GDPD5: variants seen among roughly 807,000 people sequenced by gnomAD.
GDPD5 encodes the protein glycerophosphodiester phosphodiesterase domain containing 5, also known as glycerophosphodiester phosphodiesterase 2.
Under a neutral mutation model 75.1 loss-of-function variants are expected in GDPD5, and 48 were observed. The observed-to-expected ratio is 0.64, with a 90% confidence interval of 0.51 to 0.81. The LOEUF (loss-of-function observed/expected upper bound fraction) is 0.81, where lower values mean the gene tolerates loss of function less well. GDPD5 is among the 40% of genes least tolerant of loss of function. The pLI is 0.00. For synonymous variants in GDPD5, 336 were observed against 339.0 expected, an observed-to-expected ratio of 0.99 and a Z score of 0.10; for missense variants, 706 against 822.6, an observed-to-expected ratio of 0.86 and a Z score of 1.73.
chr11:75,472,940 T>G (rs1376259380), intron 3 of GDPD5, among the ~76,000 whole-genome samples: 1 of 151,968 alleles, frequency 6.6e-6, no homozygotes, highest in African/African-American at 2.4e-5. Context: ...GGAGGGCTAT[T>G]TTTTGGCAGA....
chr11:75,522,675 T>A (rs1029351756), intron 1 of GDPD5, among the ~76,000 whole-genome samples: 2 of 151,976 alleles, frequency 1.3e-5, no homozygotes, highest in Admixed American at 1.3e-4. Flanking sequence ...TGCCCCCCCA[T>A]ATCCAAGACT....
chr11:75,493,229 T>TCACACA (rs71036055), intron 1 of GDPD5, among the ~76,000 whole-genome samples: 64,722 of 140,646 alleles, frequency 0.46, 16,027 homozygotes, highest in East Asian at 0.71. Context: ...CCCACACATC[T>TCACACA]CACACACACA....
rs181590320 is a variant in GDPD5 at position 75,460,692 on chromosome 11, C to T, written c.221+2094G>A. 1.9e-4 allele frequency among the ~76,000 whole-genome samples: 29 copies of T among 152,198 alleles called. 1 individual carries two copies. In the East Asian group the frequency reaches 4.8e-3, roughly 25 times the overall value. ...AACACCTGGACTCACATGATCTGCC[C>T]GCCTTGGCCTCCCAACGTGCTGAGA... On this transcript the variant is annotated intron_variant, in intron 4 of 16. Coordinates refer to ENST00000336898, the MANE Select transcript of GDPD5 (RefSeq NM_030792.8).
intron 1 of GDPD5, chr11:75,508,046 T>C (rs1421635320): frequency 6.6e-6 from 1 of 152,076 alleles, no homozygotes; most frequent in African/African-American, 2.4e-5. Context: ...AGGTACTTGT[T>C]CCCTCCATTT....
intron 2 of GDPD5, among the ~76,000 whole-genome samples, chr11:75,487,717 C>G (rs754247263): frequency 1.3e-5 from 2 of 152,238 alleles, no homozygotes; most frequent in Admixed American, 6.5e-5. Context: ...AAATCAGGAG[C>G]CTGCCCAGGG....
chr11:75,482,766 C>G (rs1288061094), intron 2 of GDPD5, among the ~76,000 whole-genome samples: 1 of 152,186 alleles, frequency 6.6e-6, no homozygotes, highest in African/African-American at 2.4e-5. Flanking sequence ...CATGGAGGCC[C>G]GGTTTGGTTA....
chr11:75,473,762 C>G (rs564093312), intron 3 of GDPD5, among the ~76,000 whole-genome samples: 2 of 152,314 alleles, frequency 1.3e-5, no homozygotes, highest in Admixed American at 1.3e-4. Context: ...AAGACACTCT[C>G]TTGTGCACAC....
rs34243107 is a variant in GDPD5, at chr11:75,495,265, T to TCACACA, written c.-144-4951_-144-4946dup. On this transcript the variant is annotated intron_variant, in intron 1 of 16. Coordinates refer to ENST00000336898, the MANE Select transcript of GDPD5 (RefSeq NM_030792.8). ...CCTGAGTGACAGAGCTGTCACTCTG[T>TCACACA]CACACACACACACACACACTATATA... Among the ~76,000 whole-genome samples, 446 of 147,098 alleles carry TCACACA rather than the reference T, an allele frequency of 3.0e-3. 2 individuals are homozygous for TCACACA. Among genetic ancestry groups the TCACACA allele is most frequent in the African/African-American group, 0.01 (420 of 40,158 alleles).
At chr11:75,464,202 A>G (rs548137738) in intron 3 of GDPD5, among the ~76,000 whole-genome samples, 16 of 152,344 alleles carry the variant, frequency 1.1e-4, no homozygotes, top group Admixed American at 1.0e-3. Flanking sequence ...TCTGCCCAGG[A>G]ACCTCAGATC....
rs1389895509 is a variant in GDPD5, at chr11:75,449,566, G to T, written c.519C>A (p.Thr173=). 2 of 1,589,550 alleles carry T rather than the reference G, an allele frequency of 1.3e-6. No individual in the cohort carries two copies. Among genetic ancestry groups the T allele is most frequent in the Non-Finnish European group, 1.7e-6 (2 of 1,168,468 alleles). ...FLHVGAVAAV[T]MLSWIVAGQF... Reference sequence around the variant, plus strand: ...GTCCTGCCACGATCCAGGAGAGCATGGTGACTGCTGCCACAGCCCCCACAT... The same window carrying T: ...GTCCTGCCACGATCCAGGAGAGCATTGTGACTGCTGCCACAGCCCCCACAT... The change falls in exon 8 of 17, where the codon ACC becomes ACA. Residue 173 remains threonine (T), a synonymous_variant. Coordinates refer to ENST00000336898, the MANE Select transcript of GDPD5 (RefSeq NM_030792.8).
intron 3 of GDPD5, among the ~76,000 whole-genome samples, chr11:75,468,289 C>G (rs1429097494): frequency 6.6e-6 from 1 of 152,214 alleles, no homozygotes. Flanking sequence ...TCGCAGAGCT[C>G]CCCTGCCTGT....
Position 75,449,589 on chromosome 11 carries a change from C to T in GDPD5, c.496G>A (p.Val166Met). The change falls in exon 8 of 17, where the codon GTG becomes ATG. Residue 166 changes from valine (V) to methionine (M), a missense_variant. By Grantham distance (21) the Val-to-Met change is conservative. Coordinates refer to ENST00000336898, the MANE Select transcript of GDPD5 (RefSeq NM_030792.8). ...SLQGTAPFLH[V>M]GAVAAVTMLS... ...ATGGTGACTGCTGCCACAGCCCCCA[C>T]ATGCAGGAATGGCGCTGTGCCCTGT... The T allele has an allele frequency of 1.3e-6, 2 of 1,585,476 alleles. No homozygotes were observed. Among genetic ancestry groups the T allele is most frequent in the Admixed American group, 1.8e-5 (1 of 55,100 alleles).
At chr11:75,457,593 C>G in intron 5 of GDPD5, 100 bp downstream of exon 5, 1 of 809,576 alleles carries the variant, frequency 1.2e-6, no homozygotes. Context: ...TACAGCTTTC[C>G]CCTTTATACC....
At chr11:75,467,227 C>A (rs927879813) in intron 3 of GDPD5, among the ~76,000 whole-genome samples, 8 of 152,214 alleles carry the variant, frequency 5.3e-5, no homozygotes, top group African/African-American at 1.9e-4. Context: ...CCCCTCTGAG[C>A]CTCGGTCTCC....
intron 2 of GDPD5, among the ~76,000 whole-genome samples, chr11:75,488,049 C>A (rs1358030858): frequency 1.3e-5 from 2 of 152,174 alleles, no homozygotes; most frequent in Non-Finnish European, 2.9e-5. Flanking sequence ...ATTCAGAAAT[C>A]CCCTGTGCTG....
chr11:75,494,726 C>A (rs1362760957), intron 1 of GDPD5, among the ~76,000 whole-genome samples: 5 of 151,720 alleles, frequency 3.3e-5, no homozygotes, highest in African/African-American at 1.2e-4. Flanking sequence ...CCTAGGCAGG[C>A]AGATCACCTG....
intron 9 of GDPD5, among the ~76,000 whole-genome samples, chr11:75,445,315 CT>C (rs1948957995): frequency 6.6e-6 from 1 of 152,188 alleles, no homozygotes; most frequent in Non-Finnish European, 1.5e-5. Flanking sequence ...ACACCCAGCT[CT>C]GGTTCTAGCC....
chr11:75,517,432 C>G (rs1950662039), intron 1 of GDPD5: 1 of 150,582 alleles, frequency 6.6e-6, no homozygotes, highest in African/African-American at 2.4e-5. Flanking sequence ...CCAGCCTGGG[C>G]AATAAGAACG....
intron 3 of GDPD5, among the ~76,000 whole-genome samples, chr11:75,471,281 G>T (rs1949658615): frequency 6.6e-6 from 1 of 152,226 alleles, no homozygotes; most frequent in African/African-American, 2.4e-5. Context: ...TTTGGGGGAG[G>T]TGGTGGCCTG....
Sources: allele counts gnomAD v4.1 joint callset (sites outside exome capture counted in the v4.1 genomes callset), GRCh38; gene constraint gnomAD v4.1.1; transcripts MANE v1.5; gene names NCBI Gene and HGNC (gene_info 2026-07-23, HGNC 2026-07-21).